GALNTL6: variants seen among roughly 807,000 people sequenced by gnomAD.
GALNTL6 encodes polypeptide N-acetylgalactosaminyltransferase-like 6.
In GALNTL6, 46 loss-of-function variants were observed where a neutral mutation model predicts 73.7. The ratio of observed to expected loss-of-function variants is 0.62; its 90% CI spans 0.49 to 0.80. The LOEUF (loss-of-function observed/expected upper bound fraction) is 0.80. Ranked by LOEUF, GALNTL6 falls within the 30% of genes least tolerant of loss-of-function variation. The pLI, the probability that GALNTL6 is intolerant of heterozygous loss-of-function variation, is 0.00. For synonymous variants in GALNTL6, 259 were observed against 263.7 expected (o/e 0.98, Z 0.17); for missense variants, 604 against 755.0 (o/e 0.80, Z 2.34).
At chr4:171,870,180 T>C (rs191846813) in intron 2 of GALNTL6, among the ~76,000 whole-genome samples, 242 of 152,328 alleles carry the variant, frequency 1.6e-3, no homozygotes, top group Non-Finnish European at 2.2e-3. Flanking sequence ...TGGACTAAGA[T>C]TATATTCTGC....
At chr4:172,460,625 A>G (rs971720302) in intron 5 of GALNTL6, among the ~76,000 whole-genome samples, 6 of 152,248 alleles carry the variant, frequency 3.9e-5, no homozygotes, top group Non-Finnish European at 8.8e-5. Flanking sequence ...AAAGCTTATC[A>G]TCACTGGTCA....
chr4:172,107,931 T>C (rs1470374024), intron 2 of GALNTL6, among the ~76,000 whole-genome samples: 3 of 152,180 alleles, frequency 2.0e-5, no homozygotes, highest in Non-Finnish European at 4.4e-5. Flanking sequence ...ACTAAATCTT[T>C]CTCAGAATAG....
At chr4:172,944,780 G>C (rs1749078608) in intron 9 of GALNTL6, among the ~76,000 whole-genome samples, 1 of 152,160 alleles carries the variant, frequency 6.6e-6, no homozygotes, top group Non-Finnish European at 1.5e-5. Flanking sequence ...AATGGGCTGG[G>C]CACGGTGGCT....
intron 2 of GALNTL6, among the ~76,000 whole-genome samples, chr4:172,156,070 G>A (rs1488098469): frequency 6.6e-6 from 1 of 151,942 alleles, no homozygotes; most frequent in Non-Finnish European, 1.5e-5. Context: ...GTTTTAACGA[G>A]CGCCTGGGTG....
At chr4:172,515,499 C>A (rs994748845) in intron 5 of GALNTL6, among the ~76,000 whole-genome samples, 1 of 152,204 alleles carries the variant, frequency 6.6e-6, no homozygotes, top group Non-Finnish European at 1.5e-5. Context: ...TTTATGATGT[C>A]TTAGGTCAGG....
intron 5 of GALNTL6, among the ~76,000 whole-genome samples, chr4:172,403,153 G>A (rs191284918): frequency 1.3e-5 from 2 of 152,146 alleles, no homozygotes; most frequent in East Asian, 3.9e-4. Flanking sequence ...ACACACCTCA[G>A]AGCCAGCACA....
At chr4:172,557,599 T>A (rs578256946) in intron 5 of GALNTL6, among the ~76,000 whole-genome samples, 8 of 152,146 alleles carry the variant, frequency 5.3e-5, no homozygotes, top group Non-Finnish European at 1.2e-4. Flanking sequence ...AGAAACTTCA[T>A]AAGGAAGATA....
intron 5 of GALNTL6, among the ~76,000 whole-genome samples, chr4:172,490,778 G>A (rs1289092849): frequency 6.6e-6 from 1 of 152,118 alleles, no homozygotes; most frequent in African/African-American, 2.4e-5. Flanking sequence ...AGAGTTCAAT[G>A]TCTTTGCTGA....
Position 172,642,343 on chromosome 4 carries a change from A to G in GALNTL6, c.554-167018A>G, listed in dbSNP as rs1740026069. On this transcript the variant is annotated intron_variant, in intron 5 of 12. Coordinates refer to ENST00000506823, the MANE Select transcript of GALNTL6 (RefSeq NM_001034845.3). ...AATCAACCTAAGTGTCTATCAAAAA[A>G]TAAATGGATAAATAAAATGGTCATT... 3.3e-5 allele frequency among the ~76,000 whole-genome samples: 5 copies of G among 152,192 alleles called. No homozygotes were observed. In the South Asian group the frequency reaches 1.0e-3, roughly 32 times the overall value.
chr4:172,267,686 C>G (rs978362684), intron 3 of GALNTL6, among the ~76,000 whole-genome samples: 2 of 152,106 alleles, frequency 1.3e-5, no homozygotes, highest in Admixed American at 1.3e-4. Context: ...TTGAAAGACT[C>G]TACATCTTGA....
chr4:172,552,837 T>TAAAAAAAAAAAAAAAAAAA (rs397933315), intron 5 of GALNTL6, among the ~76,000 whole-genome samples: 17 of 80,400 alleles, frequency 2.1e-4, no homozygotes, highest in African/African-American at 5.3e-4. Context: ...GTAATTGCAG[T>TAAAAAAAAAAAAAAAAAAA]AAAAAAAAAA....
chr4:172,020,218 A>G (rs947882659), intron 2 of GALNTL6, among the ~76,000 whole-genome samples: 4 of 152,062 alleles, frequency 2.6e-5, no homozygotes, highest in African/African-American at 9.6e-5. Flanking sequence ...AAAAGAAGAA[A>G]GACCAAATAA....
chr4:173,034,412 T>A (rs1179244474), intron 12 of GALNTL6, among the ~76,000 whole-genome samples: 1 of 152,176 alleles, frequency 6.6e-6, no homozygotes, highest in Non-Finnish European at 1.5e-5. Context: ...AGCCCCTGCC[T>A]ACCTCTTGGA....
chr4:172,127,075 T>A (rs533651945), intron 2 of GALNTL6, among the ~76,000 whole-genome samples: 22 of 152,216 alleles, frequency 1.4e-4, no homozygotes, highest in Non-Finnish European at 3.2e-4. Flanking sequence ...CACCTGCATA[T>A]GACTGCTGCT....
chr4:173,018,640 A>C (rs1244621231), intron 11 of GALNTL6, among the ~76,000 whole-genome samples: 1 of 152,242 alleles, frequency 6.6e-6, no homozygotes, highest in Non-Finnish European at 1.5e-5. Context: ...ACTGAATCTT[A>C]CATGACAGAT....
At chr4:172,386,209 C>A (rs1335952289) in intron 5 of GALNTL6, among the ~76,000 whole-genome samples, 1 of 152,028 alleles carries the variant, frequency 6.6e-6, no homozygotes, top group African/African-American at 2.4e-5. Flanking sequence ...TTACCTATTG[C>A]CTTAGTCAAT....
chr4:172,339,554 C>T (rs187789167), intron 4 of GALNTL6, among the ~76,000 whole-genome samples: 3 of 152,174 alleles, frequency 2.0e-5, no homozygotes, highest in East Asian at 3.9e-4. Context: ...GTTGGGTTGC[C>T]GAAGAGTGAC....
In GALNTL6 at chr4:172,589,570, G is replaced by A. The variant is rs116455993; in HGVS notation, c.554-219791G>A. Among the ~76,000 whole-genome samples the A allele has an allele frequency of 2.2e-3, 332 of 152,288 alleles. 1 individual carries two copies. Among genetic ancestry groups the A allele is most frequent in the African/African-American group, 7.3e-3 (305 of 41,562 alleles). ...ACCAATTGATCTAATGTCATAGTCC[G>A]TGCTTTTACCTCCCGAAAGGAACAA... On this transcript the variant is annotated intron_variant, in intron 5 of 12. Transcript: ENST00000506823.
At chr4:171,900,217 C>T (rs1057325763) in intron 2 of GALNTL6, among the ~76,000 whole-genome samples, 2 of 152,092 alleles carry the variant, frequency 1.3e-5, no homozygotes, top group East Asian at 1.9e-4. Flanking sequence ...ATGTTCTCAG[C>T]AGTCATCAAT....
Sources: gnomAD v4.1 joint callset for allele counts (sites outside exome capture counted in the v4.1 genomes callset) on GRCh38, gnomAD v4.1.1 for gene constraint, MANE v1.5 for transcripts, NCBI Gene and HGNC (gene_info 2026-07-23, HGNC 2026-07-21) for gene names.